The following MEGF8 variants were observed in gnomAD, a reference collection of about 807,000 sequenced individuals.
MEGF8 encodes the protein multiple epidermal growth factor-like domains protein 8.
MEGF8 carries 156 observed loss-of-function variants against 302.9 expected under a neutral mutation model. The observed-to-expected ratio is 0.52, with a 90% CI of 0.45 to 0.59. The LOEUF (loss-of-function observed/expected upper bound fraction) is 0.59. Among genes scored for constraint, MEGF8 ranks in the 20% least tolerant of loss-of-function variants. MEGF8 has a pLI of 0.00. For missense variants in MEGF8, 3,345 were observed against 3,964.5 expected, an observed-to-expected ratio of 0.84 and a Z score of 4.20; for synonymous variants, 1,621 against 1,660.5, an observed-to-expected ratio of 0.98 and a Z score of 0.58.
At position 42,344,471 on chromosome 19, in the gene MEGF8, C is replaced by G. The variant is rs747026334; in HGVS notation, c.1819C>G (p.Arg607Gly). The G allele has an allele frequency of 1.3e-6, 2 of 1,596,724 alleles. No homozygotes were observed. The highest frequency in any genetic ancestry group is 3.3e-5 in the Admixed American group (2 of 59,810). The change falls in exon 11 of 42, where the codon CGC becomes GGC. Residue 607 changes from arginine to glycine, a missense_variant. Physicochemically the swap from Arg to Gly is moderately radical, Grantham distance 125. Transcript: ENST00000251268. This position sits in a 1 kb window ranked among gnomAD's most constrained non-coding sequence, Gnocchi z 4.5. ...CPAASCLGLG[R>G]LLGDCQACLA... ...AGCCGCCAGCTGCCTGGGCCTGGGC[C>G]GCCTCCTGGGTGACTGCCAGGCCTG... is the stretch of plus-strand genomic sequence containing the variant.
rs2039383219 is a variant in MEGF8, at chr19:42,352,122, T to C, written c.3102-86T>C. Reference sequence around the variant, plus strand: ...TGTATTTGCATCCCTCTCCTTCCAATTGGCCTCCTCTCTCCCTGTCATTGT... The same window carrying C: ...TGTATTTGCATCCCTCTCCTTCCAACTGGCCTCCTCTCTCCCTGTCATTGT... On this transcript the variant is annotated intron_variant, in intron 18 of 41. Transcript: ENST00000251268. The surrounding 1 kb of genome is among the most constrained non-coding windows in gnomAD (Gnocchi z 4.4). The C allele has an allele frequency of 3.5e-6, 5 of 1,414,640 alleles. No homozygotes were observed. Among genetic ancestry groups the C allele is most frequent in the Admixed American group, 2.9e-5 (1 of 34,474 alleles). 87.6% of individuals were successfully genotyped at this position (1,414,640 alleles called of 1,614,324 possible).
At chr19:42,348,867 C>T (rs931984127) in intron 13 of MEGF8, among the ~76,000 whole-genome samples, 7 of 152,236 alleles carry the variant, frequency 4.6e-5, no homozygotes, top group African/African-American at 1.7e-4. Flanking sequence ...TCCCAAAGTG[C>T]TGGGATTACA....
intron 8 of MEGF8, among the ~76,000 whole-genome samples, chr19:42,342,567 A>G (rs10422867): frequency 0.023 from 3,488 of 151,804 alleles, 144 homozygotes; most frequent in African/African-American, 0.079. Context: ...AACCCGGGAG[A>G]CAGAGCTTGC....
intron 35 of MEGF8, among the ~76,000 whole-genome samples, chr19:42,364,454 G>A (rs1011623164): frequency 6.6e-5 from 10 of 152,182 alleles, no homozygotes; most frequent in Non-Finnish European, 1.3e-4. Flanking sequence ...TGAACTAAGT[G>A]ATCAGTCCAG....
intron 3 of MEGF8, among the ~76,000 whole-genome samples, chr19:42,334,715 G>T (rs1045904830): frequency 6.6e-6 from 1 of 152,158 alleles, no homozygotes; most frequent in Non-Finnish European, 1.5e-5. Context: ...CCGTCTTTCT[G>T]TCTTTTCTCC....
chr19:42,352,088 T>C lies in MEGF8; in HGVS notation c.3102-120T>C. The C allele has an allele frequency of 7.6e-7, 1 of 1,310,118 alleles. No individual in the cohort carries two copies. The highest frequency in any genetic ancestry group is 1.0e-6 in the Non-Finnish European group (1 of 978,872). The allele number at this position is 1,310,118 out of a possible 1,614,324, so 81.2% of individuals were successfully genotyped here. Reference sequence around the variant, plus strand: ...CTTCTCCTGGTTTCTCTGTCTCTCTTTCCAAATTTGTATTTGCATCCCTCT... The same window carrying C: ...CTTCTCCTGGTTTCTCTGTCTCTCTCTCCAAATTTGTATTTGCATCCCTCT... On this transcript the variant is annotated intron_variant, in intron 18 of 41. Transcript: ENST00000251268. The surrounding 1 kb of genome is among the most constrained non-coding windows in gnomAD (Gnocchi z 4.4).
At chr19:42,337,907 G>A (rs1030749034) in intron 8 of MEGF8, among the ~76,000 whole-genome samples, 2 of 152,088 alleles carry the variant, frequency 1.3e-5, no homozygotes, top group Admixed American at 6.6e-5. Context: ...GGGTTCAAGC[G>A]ATTCTCCTGT....
intron 1 of MEGF8, among the ~76,000 whole-genome samples, chr19:42,330,170 T>C (rs2039037271): frequency 6.6e-6 from 1 of 152,174 alleles, no homozygotes; most frequent in Admixed American, 6.5e-5. Flanking sequence ...CTCAAACTCC[T>C]GGCCTCAAAT....
At position 42,336,708 on chromosome 19, in the gene MEGF8, C is replaced by G; in HGVS notation, c.1245-99C>G. The G allele has an allele frequency of 6.7e-7, 1 of 1,482,568 alleles. No homozygotes were observed. Among genetic ancestry groups the G allele is most frequent in the Non-Finnish European group, 9.0e-7 (1 of 1,108,420 alleles). The allele number at this position is 1,482,568 out of a possible 1,614,324, so 91.8% of individuals were successfully genotyped here. A position where few individuals can be genotyped will look rare whatever the true frequency, so the allele number is the denominator to read the frequency against. Reference sequence around the variant, plus strand: ...GGAGGGGACATAGAGTCAGTCATGGCCAGTCTCATCCCTGGGTGATCACAT... The same window carrying G: ...GGAGGGGACATAGAGTCAGTCATGGGCAGTCTCATCCCTGGGTGATCACAT... On this transcript the variant is annotated intron_variant, in intron 6 of 41. Transcript: ENST00000251268. The surrounding 1 kb of genome is among the most constrained non-coding windows in gnomAD (Gnocchi z 4.8).
At chr19:42,328,589 T>TGTGTGTGTGTGTGTGTGTGTGTGTGTGG (rs1281441595) in intron 1 of MEGF8, among the ~76,000 whole-genome samples, 7 of 151,714 alleles carry the variant, frequency 4.6e-5, no homozygotes, top group Non-Finnish European at 1.5e-5. Flanking sequence ...TGTGTGTGTG[T>TGTGTGTGTGTGTGTGTGTGTGTGTGTGG]GGCGAAGGGG....
At chr19:42,346,052 C>A (rs910400474) in intron 12 of MEGF8, among the ~76,000 whole-genome samples, 15 of 152,280 alleles carry the variant, frequency 9.9e-5, no homozygotes, top group Non-Finnish European at 1.6e-4. Flanking sequence ...AGGCACTTGC[C>A]ACCACACTCG....
At chr19:42,359,513 T>C (rs1335982845) in intron 31 of MEGF8, among the ~76,000 whole-genome samples, 1 of 152,108 alleles carries the variant, frequency 6.6e-6, no homozygotes, top group East Asian at 1.9e-4. Context: ...AATCCCTCTC[T>C]CTAGAGACAA....
rs754092671 is a variant in MEGF8 at position 42,376,440 on chromosome 19, C to G, written c.8203C>G (p.Leu2735Val). Residue 2735 changes from leucine to valine, a missense_variant, in exon 42 of 42, where the codon CTG (leucine) becomes GTG (valine). Physicochemically the swap from Leu to Val is conservative, Grantham distance 32. Transcript: ENST00000251268. The surrounding 1 kb of genome is among the most constrained non-coding windows in gnomAD (Gnocchi z 8.2). ...CCGCTCTGAGCCCTTCCTGGCACCC[C>G]TGCTGCTGACAGGGGCCGGTGGGCC... ...FRRSEPFLAP[L>V]LLTGAGGPWG... 7 of 1,611,784 alleles carry G rather than the reference C, an allele frequency of 4.3e-6. No individual in the cohort carries two copies. The highest frequency in any genetic ancestry group is 1.1e-5 in the South Asian group (1 of 90,994).
Position 42,333,708 on chromosome 19 carries a change from G to T in MEGF8, c.291G>T (p.Pro97=), listed in dbSNP as rs374407078. 1 of 1,613,976 alleles carries T rather than the reference G, an allele frequency of 6.2e-7. No individual in the cohort carries two copies. Among genetic ancestry groups the T allele is most frequent in the South Asian group, 1.1e-5 (1 of 91,084 alleles). ...ATGACGGTGACTCCCCGCGAGGGCC[G>T]CTGCTTGCCAGTCTAAGTGGGAGCA... ...FVYDGDSPRG[P]LLASLSGSTR... Residue 97 remains proline (P), a synonymous_variant, in exon 2 of 42, where the codon CCG becomes CCT. Transcript: ENST00000251268.
At chr19:42,370,440 A>G in intron 39 of MEGF8, 81 bp downstream of exon 39, 1 of 1,255,790 alleles carries the variant, frequency 8.0e-7, no homozygotes, top group Non-Finnish European at 1.1e-6. Flanking sequence ...AGGGGGCTGG[A>G]GACCTGGACC....
Position 42,368,363 on chromosome 19 carries a change from T to C in MEGF8, c.6274-92T>C. 2 of 1,121,368 alleles carry C rather than the reference T, an allele frequency of 1.8e-6. No homozygotes were observed. Among genetic ancestry groups the C allele is most frequent in the Non-Finnish European group, 2.5e-6 (2 of 796,080 alleles). 69.5% of individuals were successfully genotyped at this position (1,121,368 alleles called of 1,614,324 possible). ...GGGAGGGGTGAGACCTCAAAGAGGG[T>C]GTGGTCTGGGAAGATACCCAGAATG... On this transcript the variant is annotated intron_variant, in intron 35 of 41. Coordinates refer to ENST00000251268, the MANE Select transcript of MEGF8 (RefSeq NM_001271938.2). This position sits in a 1 kb window ranked among gnomAD's most constrained non-coding sequence, Gnocchi z 4.9.
chr19:42,370,446 G>C, intron 39 of MEGF8, 87 bp downstream of exon 39: 2 of 1,215,024 alleles, frequency 1.6e-6, no homozygotes, highest in South Asian at 2.8e-5. Flanking sequence ...CTGGAGACCT[G>C]GACCCTTGGG....
At chr19:42,338,825 ATTTTTTTTTTTT>A (rs55994617) in intron 8 of MEGF8, among the ~76,000 whole-genome samples, 7 of 47,158 alleles carry the variant, frequency 1.5e-4, no homozygotes, top group Non-Finnish European at 2.2e-4. Flanking sequence ...CTTTCTATGT[ATTTTTTTTTTTT>A]TTTTTTTTTT....
intron 41 of MEGF8, among the ~76,000 whole-genome samples, chr19:42,374,321 A>C (rs909140128): frequency 6.6e-6 from 1 of 151,948 alleles, no homozygotes; most frequent in Non-Finnish European, 1.5e-5. Flanking sequence ...AAATACAAAA[A>C]TTAGTTGGGT....
Sources: gnomAD v4.1 joint callset for allele counts (sites outside exome capture counted in the v4.1 genomes callset) on GRCh38, gnomAD v4.1.1 for gene constraint, Gnocchi (gnomAD v3.1) non-coding constraint, MANE v1.5 for transcripts, NCBI Gene and HGNC (gene_info 2026-07-23, HGNC 2026-07-21) for gene names.